PHF24: variants seen among roughly 807,000 people sequenced by gnomAD.
PHF24 encodes Galpha inhibitory interacting protein.
PHF24 carries 25 observed loss-of-function variants against 42.6 expected under a neutral mutation model. The observed-to-expected ratio is 0.59, with a 90% CI of 0.43 to 0.82. The LOEUF (loss-of-function observed/expected upper bound fraction) is 0.82, where lower values mean the gene tolerates loss of function less well. Ranked by LOEUF, PHF24 falls within the 40% of genes least tolerant of loss-of-function variation. PHF24 has a pLI of 0.00. For synonymous variants in PHF24, 185 were observed against 204.8 expected, an observed-to-expected ratio of 0.90 and a Z score of 0.83; for missense variants, 470 against 538.1, an observed-to-expected ratio of 0.87 and a Z score of 1.25.
chr9:34,865,375 C>T, the PHF24 span, among the ~76,000 whole-genome samples: 1 of 151,504 alleles, frequency 6.6e-6, no homozygotes, highest in African/African-American at 2.4e-5. Context: ...ACTACCCTGG[C>T]CAACATTGTG....
chr9:34,977,678 C>G (rs968061562), intron 7 of PHF24, 37 bp downstream of exon 7: 2 of 1,500,620 alleles, frequency 1.3e-6, no homozygotes, highest in African/African-American at 1.4e-5. Context: ...TTTGTACCCT[C>G]TGAACCCCCA....
At chr9:34,939,297 A>AAAT in the PHF24 span, among the ~76,000 whole-genome samples, 2 of 152,188 alleles carry the variant, frequency 1.3e-5, no homozygotes, top group African/African-American at 4.8e-5. Context: ...AATAATAATA[A>AAAT]AATAATGGGT....
the PHF24 span, chr9:34,917,206 A>C: frequency 1.4e-6 from 2 of 1,449,426 alleles, no homozygotes; most frequent in South Asian, 1.1e-5. Flanking sequence ...CACTTAAATA[A>C]AGGCATCAAG....
chr9:34,713,911 T>C, the PHF24 span, among the ~76,000 whole-genome samples: 1 of 151,926 alleles, frequency 6.6e-6, no homozygotes, highest in Non-Finnish European at 1.5e-5. Context: ...GAAATGAGTG[T>C]CAGGAGAGAT....
chr9:34,677,401 T>TTTTTTTTTTTTTTG, the PHF24 span, among the ~76,000 whole-genome samples: 1 of 138,978 alleles, frequency 7.2e-6, no homozygotes, highest in Non-Finnish European at 1.6e-5. Context: ...TTTTTTTTTT[T>TTTTTTTTTTTTTTG]TTTTTTTTTT....
the PHF24 span, among the ~76,000 whole-genome samples, chr9:34,667,120 G>A: frequency 2.0e-5 from 3 of 152,232 alleles, no homozygotes; most frequent in Non-Finnish European, 4.4e-5. Flanking sequence ...CAGTGTGGGA[G>A]GTTGGAAATA....
the PHF24 span, among the ~76,000 whole-genome samples, chr9:34,712,103 CT>C: frequency 1.6e-4 from 24 of 149,722 alleles, no homozygotes; most frequent in Non-Finnish European, 2.5e-4. Flanking sequence ...TCTTGTTTGA[CT>C]TTTTTTTTTC....
At chr9:34,853,750 C>A in the PHF24 span, among the ~76,000 whole-genome samples, 3 of 149,106 alleles carry the variant, frequency 2.0e-5, no homozygotes, top group Non-Finnish European at 4.5e-5. Context: ...ATGGCGTGAA[C>A]CCGGGAGGTG....
chr9:34,797,139 T>G, the PHF24 span, among the ~76,000 whole-genome samples: 2 of 152,148 alleles, frequency 1.3e-5, 1 homozygote. Context: ...GTGGCTTGCT[T>G]CTTCCGTGCC....
At chr9:34,829,339 T>A in the PHF24 span, among the ~76,000 whole-genome samples, 1 of 152,088 alleles carries the variant, frequency 6.6e-6, no homozygotes, top group African/African-American at 2.4e-5. Flanking sequence ...TAGGTTGAGA[T>A]GAATATTTGA....
the PHF24 span, among the ~76,000 whole-genome samples, chr9:34,763,635 A>G: frequency 1.3e-5 from 2 of 152,144 alleles, no homozygotes; most frequent in African/African-American, 4.8e-5. Context: ...CAATCATGTC[A>G]TCTGCAAACA....
intron 2 of PHF24, 96 bp from the exon 3 acceptor site, chr9:34,972,250 G>A: frequency 3.6e-6 from 4 of 1,099,596 alleles, no homozygotes; most frequent in Non-Finnish European, 5.2e-6. Flanking sequence ...AATCTGGGAA[G>A]ACTCAGCCCC....
chr9:34,971,731 C>T, intron 2 of PHF24, 55 bp downstream of exon 2: 1 of 1,529,428 alleles, frequency 6.5e-7, no homozygotes, highest in Non-Finnish European at 8.8e-7. Flanking sequence ...GGGAGCAGGA[C>T]AGGGAAGATG....
the PHF24 span, among the ~76,000 whole-genome samples, chr9:34,752,148 C>A: frequency 6.6e-6 from 1 of 150,766 alleles, no homozygotes; most frequent in Non-Finnish European, 1.5e-5. Context: ...ACCATAAAAG[C>A]GAAACAAAAC....
chr9:34,711,332 G>A, the PHF24 span, among the ~76,000 whole-genome samples: 2 of 142,922 alleles, frequency 1.4e-5, no homozygotes, highest in Non-Finnish European at 3.0e-5. Flanking sequence ...CAGCAGCCTC[G>A]ACCTCCTGGG....
At chr9:34,834,062 T>C in the PHF24 span, 1 of 1,548,246 alleles carries the variant, frequency 6.5e-7, no homozygotes. Context: ...GGCCTGTTGC[T>C]GCTGATCAAG....
the PHF24 span, among the ~76,000 whole-genome samples, chr9:34,827,494 A>G: frequency 6.6e-6 from 1 of 152,138 alleles, no homozygotes; most frequent in Non-Finnish European, 1.5e-5. Context: ...TCTGTATCCA[A>G]GCAGTGGACA....
At chr9:34,690,459 T>C in the PHF24 span, 1 of 970,012 alleles carries the variant, frequency 1.0e-6, no homozygotes, top group Admixed American at 2.1e-5. Flanking sequence ...TGTGTGTGTG[T>C]GTGTGTGTGT....
the PHF24 span, among the ~76,000 whole-genome samples, chr9:34,806,347 G>A: frequency 6.6e-5 from 10 of 152,076 alleles, no homozygotes; most frequent in African/African-American, 2.4e-4. Flanking sequence ...CCATGAAAAT[G>A]GGGTTTAAAA....
Sources: gnomAD v4.1 joint callset for allele counts (sites outside exome capture counted in the v4.1 genomes callset) on GRCh38, gnomAD v4.1.1 for gene constraint, MANE v1.5 for transcripts, NCBI Gene and HGNC (gene_info 2026-07-23, HGNC 2026-07-21) for gene names.